NUP210L: variants seen among roughly 807,000 people sequenced by gnomAD.
NUP210L encodes the protein nuclear pore membrane glycoprotein 210-like.
In NUP210L, 74 loss-of-function variants were observed where a neutral mutation model predicts 208.5. That is an observed-to-expected ratio of 0.35 (90% CI 0.29 to 0.43). The LOEUF is 0.43. Ranked by LOEUF, NUP210L falls within the 20% of genes least tolerant of loss-of-function variation. The pLI is 1.00. For missense variants in NUP210L, 1,843 were observed against 2,289.4 expected (o/e 0.81, Z 3.98); for synonymous variants, 780 against 816.9 (o/e 0.95, Z 0.77).
chr1:154,032,989 AAAAG>A (rs1235351781), intron 27 of NUP210L, among the ~76,000 whole-genome samples: 27 of 147,548 alleles, frequency 1.8e-4, no homozygotes, highest in Middle Eastern at 3.5e-3. Context: ...AAAAGAAAAG[AAAAG>A]AAAGAAAGAA....
rs147477023 is a variant in NUP210L, at chr1:154,044,555, TAA to T, written c.3696+1512_3696+1513del. Among the ~76,000 whole-genome samples, 1,145 of 152,280 alleles carry T rather than the reference TAA, an allele frequency of 7.5e-3. 13 individuals carry two copies. The highest frequency in any genetic ancestry group is 0.027 in the African/African-American group (1,103 of 41,580). Reference sequence around the variant, plus strand: ...GAAGATCTAACCACTAGAGTTTCCTTAAATTATAGGTTAAGGATATTTTTAGA... The same window carrying T: ...GAAGATCTAACCACTAGAGTTTCCTTATTATAGGTTAAGGATATTTTTAGA... On this transcript the variant is annotated intron_variant, in intron 27 of 39. Coordinates refer to ENST00000368559, the Ensembl canonical transcript of NUP210L.
At chr1:154,091,501 C>CTTTTTT (rs772608860) in intron 15 of NUP210L, among the ~76,000 whole-genome samples, 1 of 124,638 alleles carries the variant, frequency 8.0e-6, no homozygotes, top group Non-Finnish European at 1.7e-5. Flanking sequence ...CTTTTCTTTT[C>CTTTTTT]TTTTTTTTTT....
chr1:154,146,156 A>C (rs1233414976), intron 2 of NUP210L, among the ~76,000 whole-genome samples: 1 of 152,240 alleles, frequency 6.6e-6, no homozygotes, highest in Admixed American at 6.5e-5. Context: ...AATCACAAAA[A>C]TTAAAGAAAA....
chr1:154,054,904 A>ATT, intron 23 of NUP210L, 72 bp from the exon 24 acceptor site: 1 of 1,128,658 alleles, frequency 8.9e-7, no homozygotes, highest in African/African-American at 1.6e-5. Context: ...TGGTCATTTA[A>ATT]ATTTTTTTTT....
At position 153,992,946 on chromosome 1, in the gene NUP210L, A is replaced by G; in HGVS notation, c.5567-11T>C. 6.2e-7 allele frequency: 1 copy of G among 1,609,450 alleles called. No homozygotes were observed. The highest frequency in any genetic ancestry group is 8.5e-7 in the Non-Finnish European group (1 of 1,177,912). On this transcript the variant is annotated splice_polypyrimidine_tract_variant and intron_variant, in intron 39 of 39. Coordinates refer to ENST00000368559, the Ensembl canonical transcript of NUP210L. The stretch of plus-strand genomic sequence containing the variant: ...TGGAGTTAAAAAAACCTAGAAGAAG[A>G]GGGAAAAGTTGAGTGAATTAAACGT...
chr1:154,140,997 G>GAAA (rs57099838), intron 4 of NUP210L, among the ~76,000 whole-genome samples: 9 of 63,038 alleles, frequency 1.4e-4, no homozygotes, highest in African/African-American at 4.3e-4. Flanking sequence ...CCATCTCGAA[G>GAAA]AAAAAAAAAA....
At chr1:154,030,788 G>C (rs977743595) in intron 27 of NUP210L, among the ~76,000 whole-genome samples, 3 of 151,836 alleles carry the variant, frequency 2.0e-5, no homozygotes, top group African/African-American at 4.8e-5. Context: ...CTGGAGTGCA[G>C]TGGTGAAATC....
chr1:154,060,485 C>T, intron 20 of NUP210L, 55 bp downstream of exon 20: 1 of 1,111,252 alleles, frequency 9.0e-7, no homozygotes. Context: ...TTCCAATCTC[C>T]TCAGAATGAG....
intron 12 of NUP210L, among the ~76,000 whole-genome samples, chr1:154,104,909 G>C (rs1282410416): frequency 6.6e-6 from 1 of 151,590 alleles, no homozygotes; most frequent in Non-Finnish European, 1.5e-5. Context: ...GAGAGTGCTT[G>C]TACCACTCCT....
chr1:154,061,748 A>G, intron 17 of NUP210L, 74 bp from the exon 18 acceptor site: 1 of 914,438 alleles, frequency 1.1e-6, no homozygotes, highest in Non-Finnish European at 1.8e-6. Flanking sequence ...AGAAAACCAC[A>G]TTCTGCCACA....
intron 17 of NUP210L, among the ~76,000 whole-genome samples, chr1:154,069,826 A>G (rs1181969550): frequency 6.6e-6 from 1 of 152,222 alleles, no homozygotes; most frequent in Non-Finnish European, 1.5e-5. Context: ...GATAGACTGG[A>G]TTAAGAAAAT....
At chr1:154,151,414 T>C (rs756573151) in intron 2 of NUP210L, among the ~76,000 whole-genome samples, 5 of 151,940 alleles carry the variant, frequency 3.3e-5, no homozygotes, top group Non-Finnish European at 7.4e-5. Context: ...TGACTGCACA[T>C]GTGAGAACAT....
intron 27 of NUP210L, among the ~76,000 whole-genome samples, chr1:154,036,313 C>CGTGT (rs1652538392): frequency 9.6e-6 from 1 of 104,088 alleles, no homozygotes; most frequent in African/African-American, 4.0e-5. Context: ...ACAGTTGGAA[C>CGTGT]ATGTGTGTGT....
chr1:154,109,364 C>T (rs1656928607), intron 12 of NUP210L, among the ~76,000 whole-genome samples: 1 of 151,436 alleles, frequency 6.6e-6, no homozygotes, highest in Admixed American at 6.6e-5. Context: ...TATATATACA[C>T]CCAATACTGG....
chr1:154,011,186 A>G (rs1650893815), intron 34 of NUP210L, among the ~76,000 whole-genome samples: 2 of 151,898 alleles, frequency 1.3e-5, no homozygotes, highest in African/African-American at 2.4e-5. Flanking sequence ...ATTCTGGGGA[A>G]TAAAACGTCA....
chr1:154,058,929 C>G (rs961914715), intron 20 of NUP210L, among the ~76,000 whole-genome samples: 3 of 152,238 alleles, frequency 2.0e-5, no homozygotes, highest in African/African-American at 7.2e-5. Flanking sequence ...TGGCTCACGC[C>G]TATAATCCCA....
At chr1:154,001,900 C>A (rs1296401287) in exon 36 of NUP210L, 1 of 1,614,126 alleles carries the variant, frequency 6.2e-7, no homozygotes, top group Admixed American at 1.7e-5. Context: ...GTGTAGCCCA[C>A]CCATAGACTG....
rs1353170982 is a variant in NUP210L, at chr1:154,038,344, T to C, written c.3696+7725A>G. 3.3e-5 allele frequency among the ~76,000 whole-genome samples: 5 copies of C among 150,770 alleles called. No homozygotes were observed. The South Asian group carries it at 6.3e-4, about 19-fold the overall frequency. ...ACAGGGTTTTTTCTTTTTCTTTTTT[T>C]TTTTTTTTTATTTTTGAGATGGAGT... On this transcript the variant is annotated intron_variant, in intron 27 of 39. Coordinates refer to ENST00000368559, the Ensembl canonical transcript of NUP210L.
chr1:154,086,043 C>G (rs534927812), intron 16 of NUP210L, among the ~76,000 whole-genome samples: 1 of 151,790 alleles, frequency 6.6e-6, no homozygotes, highest in Non-Finnish European at 1.5e-5. Context: ...GAAACCCTGT[C>G]TCTACTAAAA....
Sources: allele counts gnomAD v4.1 joint callset (sites outside exome capture counted in the v4.1 genomes callset), GRCh38; gene constraint gnomAD v4.1.1; transcripts MANE v1.5; gene names NCBI Gene and HGNC (gene_info 2026-07-23, HGNC 2026-07-21).